Variants in ZNF541 observed in about 807,000 individuals in gnomAD.
ZNF541 encodes zinc finger protein 541.
In ZNF541, 23 loss-of-function variants were observed where a neutral mutation model predicts 123.5. That is an observed-to-expected ratio of 0.19 (90% CI 0.13 to 0.26). ZNF541 has a LOEUF of 0.26. ZNF541 is among the 10% of genes least tolerant of loss of function. ZNF541 has a pLI of 1.00. For synonymous variants in ZNF541, 751 were observed against 754.5 expected, an observed-to-expected ratio of 1.00 and a Z score of 0.08; for missense variants, 1,612 against 1,789.9, an observed-to-expected ratio of 0.90 and a Z score of 1.79.
intron 8 of ZNF541, 108 bp downstream of exon 8, chr19:47,539,597 C>T: frequency 8.1e-6 from 10 of 1,239,116 alleles, no homozygotes; most frequent in Non-Finnish European, 1.0e-5. Context: ...CCACCACATC[C>T]AGCCTGGAGT....
intron 12 of ZNF541, 133 bp downstream of exon 12, chr19:47,531,509 G>A: frequency 1.6e-6 from 1 of 613,940 alleles, no homozygotes; most frequent in Non-Finnish European, 2.7e-6. Context: ...CAATCCCAAA[G>A]CCGCTGTGGA....
At chr19:47,567,611 C>T (rs1971318240) in intron 2 of ZNF541, among the ~76,000 whole-genome samples, 1 of 152,212 alleles carries the variant, frequency 6.6e-6, no homozygotes, top group African/African-American at 2.4e-5. Flanking sequence ...TCAGATGGTG[C>T]AAATCTAGGG....
chr19:47,554,386 G>T (rs978893685), intron 3 of ZNF541, among the ~76,000 whole-genome samples: 1 of 152,276 alleles, frequency 6.6e-6, no homozygotes, highest in Middle Eastern at 3.4e-3. Flanking sequence ...AGCCGAGATT[G>T]TGCCACTGCA....
In ZNF541 at chr19:47,566,886, C is replaced by T. The variant is rs572512751; in HGVS notation, c.-99+5010G>A. On this transcript the variant is annotated intron_variant, in intron 2 of 16. Coordinates refer to ENST00000391901, the MANE Select transcript of ZNF541 (RefSeq NM_001277075.3). ...CTAACATGGTGAAACCCCGTCTTTACTAAAAATACAAAAAATTAGCCAGGC... is the reference window on the plus strand; with the variant it reads ...CTAACATGGTGAAACCCCGTCTTTATTAAAAATACAAAAAATTAGCCAGGC... Among the ~76,000 whole-genome samples the T allele has an allele frequency of 2.6e-5, 4 of 151,172 alleles. No homozygotes were observed. In the East Asian group the frequency reaches 7.8e-4, roughly 30 times the overall value.
intron 14 of ZNF541, among the ~76,000 whole-genome samples, chr19:47,526,250 G>A (rs1300110687): frequency 1.3e-5 from 2 of 152,120 alleles, no homozygotes; most frequent in African/African-American, 4.8e-5. Context: ...GGGAGGCCAA[G>A]GTGGGCAGAT....
At chr19:47,547,428 T>A (rs1970401889) in intron 4 of ZNF541, among the ~76,000 whole-genome samples, 1 of 152,118 alleles carries the variant, frequency 6.6e-6, no homozygotes, top group Non-Finnish European at 1.5e-5. Context: ...GAGGAGTACA[T>A]CACCCTCTGG....
intron 4 of ZNF541, among the ~76,000 whole-genome samples, chr19:47,547,322 C>T (rs368688319): frequency 3.9e-5 from 6 of 152,140 alleles, no homozygotes; most frequent in African/African-American, 1.2e-4. Flanking sequence ...TAGAGCCAAA[C>T]AGCCAAATGT....
chr19:47,553,461 T>A (rs1411755202), intron 3 of ZNF541, among the ~76,000 whole-genome samples: 1 of 145,966 alleles, frequency 6.9e-6, no homozygotes, highest in African/African-American at 2.6e-5. Flanking sequence ...CAGGCTGGAG[T>A]GCTGTGGTGC....
At chr19:47,538,532 G>C (rs1249911444) in intron 8 of ZNF541, 93 bp from the exon 9 acceptor site, 3 of 1,321,090 alleles carry the variant, frequency 2.3e-6, no homozygotes, top group Non-Finnish European at 2.0e-6. Context: ...AAGGAGACCG[G>C]CCAGAGACAG....
chr19:47,540,856 C>T (rs2123082840), intron 6 of ZNF541, 37 bp downstream of exon 6: 1 of 1,548,280 alleles, frequency 6.5e-7, no homozygotes, highest in Non-Finnish European at 8.7e-7. Context: ...AGGACTCCTG[C>T]CAGGGTGCAT....
chr19:47,544,016 TA>T, intron 5 of ZNF541, 109 bp downstream of exon 5: 2 of 1,324,310 alleles, frequency 1.5e-6, no homozygotes, highest in African/African-American at 1.5e-5. Context: ...CCTTCCTCTG[TA>T]AAATTGCATC....
chr19:47,547,001 G>A (rs1296019066), intron 4 of ZNF541, among the ~76,000 whole-genome samples: 4 of 152,194 alleles, frequency 2.6e-5, no homozygotes, highest in Non-Finnish European at 5.9e-5. Flanking sequence ...GATTACAGGC[G>A]TGAGCCACTG....
At position 47,570,630 on chromosome 19, in the gene ZNF541, T is replaced by A. The variant is rs1461499211; in HGVS notation, c.-99+1266A>T. Among the ~76,000 whole-genome samples, 6 of 147,812 alleles carry A rather than the reference T, an allele frequency of 4.1e-5. No homozygotes were observed. The Admixed American group carries it at 4.1e-4, about 10-fold the overall frequency. ...ATTTTGTTTTTTTGTTTATATATAA[T>A]GGGTTTATTACTGCCCTTTTAAAAT... On this transcript the variant is annotated intron_variant, in intron 2 of 16. Transcript: ENST00000391901.
At position 47,540,956 on chromosome 19, in the gene ZNF541, A is replaced by G. The variant is rs185004041; in HGVS notation, c.2404-5T>C. On this transcript the variant is annotated splice_polypyrimidine_tract_variant and splice_region_variant and intron_variant, in intron 5 of 16. Transcript: ENST00000391901. ...GAGCCTGTAGATGTTTCCACCCTGAAGATGAAAATGCATCTGAACCAACAC... is the reference window on the plus strand; with the variant it reads ...GAGCCTGTAGATGTTTCCACCCTGAGGATGAAAATGCATCTGAACCAACAC... 307 of 1,550,538 alleles carry G rather than the reference A, an allele frequency of 2.0e-4. No homozygotes were observed. The East Asian group carries it at 5.3e-3, about 27-fold the overall frequency.
chr19:47,544,084 C>T (rs1326583864), intron 5 of ZNF541, 42 bp downstream of exon 5: 7 of 1,481,802 alleles, frequency 4.7e-6, no homozygotes, highest in Non-Finnish European at 4.5e-6. Context: ...GCAAAGGAAA[C>T]TCACTCCACT....
intron 14 of ZNF541, among the ~76,000 whole-genome samples, chr19:47,526,527 A>G (rs1385849926): frequency 6.6e-6 from 1 of 151,894 alleles, no homozygotes; most frequent in East Asian, 1.9e-4. Flanking sequence ...CAATAAAAAC[A>G]TATGCAAGAG....
intron 12 of ZNF541, among the ~76,000 whole-genome samples, chr19:47,530,797 C>T (rs1286494634): frequency 1.3e-5 from 2 of 151,848 alleles, no homozygotes; most frequent in African/African-American, 4.8e-5. Context: ...ATTACAGGCG[C>T]CCACCACCAT....
At chr19:47,532,310 CA>C in intron 10 of ZNF541, 40 bp from the exon 11 acceptor site, 1 of 1,546,772 alleles carries the variant, frequency 6.5e-7, no homozygotes, top group Non-Finnish European at 8.7e-7. Flanking sequence ...GACGTACAAA[CA>C]TGACTGAGAT....
Position 47,521,807 on chromosome 19 carries a change from G to A in ZNF541, c.3711+47C>T. ...CACCGTCCAACTCAACGGGTAGCAGGCACTGGGAGGAGAGAAGAGCTCCCG... is the reference window on the plus strand; with the variant it reads ...CACCGTCCAACTCAACGGGTAGCAGACACTGGGAGGAGAGAAGAGCTCCCG... On this transcript the variant is annotated intron_variant, in intron 15 of 16. Transcript: ENST00000391901. This position sits in a 1 kb window ranked among gnomAD's most constrained non-coding sequence, Gnocchi z 4.2. The A allele has an allele frequency of 6.5e-7, 1 of 1,541,886 alleles. No homozygotes were observed. Among genetic ancestry groups the A allele is most frequent in the South Asian group, 1.2e-5 (1 of 83,330 alleles).
Sources: allele counts gnomAD v4.1 joint callset (sites outside exome capture counted in the v4.1 genomes callset), GRCh38; gene constraint gnomAD v4.1.1; non-coding constraint Gnocchi (gnomAD v3.1); transcripts MANE v1.5; gene names NCBI Gene and HGNC (gene_info 2026-07-23, HGNC 2026-07-21).